LINGO2: variants seen among roughly 807,000 people sequenced by gnomAD.
The protein encoded by LINGO2 is leucine rich repeat and Ig domain containing 2.
A neutral mutation model predicts 30.6 loss-of-function variants in LINGO2; 14 were observed. That is an observed-to-expected ratio of 0.46 (90% CI 0.30 to 0.72). The LOEUF is 0.72. Among genes scored for constraint, LINGO2 ranks in the 30% least tolerant of loss-of-function variants. LINGO2 has a pLI of 0.07. For synonymous variants in LINGO2, 317 were observed against 288.5 expected, an observed-to-expected ratio of 1.10 and a Z score of -1.00; for missense variants, 729 against 751.7, an observed-to-expected ratio of 0.97 and a Z score of 0.35.
intron 5 of LINGO2, among the ~76,000 whole-genome samples, chr9:27,993,883 A>C (rs10968260): frequency 0.23 from 35,606 of 151,878 alleles, 4,695 homozygotes; most frequent in African/African-American, 0.37. Flanking sequence ...AACATTTTGC[A>C]ATATAGACCA....
the LINGO2 span, among the ~76,000 whole-genome samples, chr9:29,116,465 A>G: frequency 7.3e-3 from 1,111 of 152,214 alleles, 10 homozygotes; most frequent in Non-Finnish European, 0.01. Context: ...TGTTTTTAAA[A>G]AATGGAATGT....
At chr9:28,388,240 T>C (rs1486126577) in intron 2 of LINGO2, among the ~76,000 whole-genome samples, 4 of 152,226 alleles carry the variant, frequency 2.6e-5, no homozygotes, top group Non-Finnish European at 5.9e-5. Context: ...ATGCATCTGT[T>C]GTTTGTTAAT....
chr9:28,871,575 AT>A, the LINGO2 span, among the ~76,000 whole-genome samples: 1 of 151,968 alleles, frequency 6.6e-6, no homozygotes, highest in Non-Finnish European at 1.5e-5. Flanking sequence ...ATATATAAAA[AT>A]ATTAAGCTTA....
chr9:27,951,619 G>T (rs1819316829), intron 5 of LINGO2, among the ~76,000 whole-genome samples: 1 of 152,138 alleles, frequency 6.6e-6, no homozygotes, highest in Admixed American at 6.5e-5. Flanking sequence ...TGTTTTAAAT[G>T]TGGATAGTTT....
intron 3 of LINGO2, among the ~76,000 whole-genome samples, chr9:28,360,540 A>G (rs1464540183): frequency 6.6e-6 from 1 of 152,134 alleles, no homozygotes; most frequent in Non-Finnish European, 1.5e-5. Flanking sequence ...TTTCTGCATG[A>G]TCTTAAAAGC....
the LINGO2 span, among the ~76,000 whole-genome samples, chr9:29,134,837 T>C: frequency 2.6e-5 from 4 of 152,056 alleles, no homozygotes; most frequent in Non-Finnish European, 5.9e-5. Context: ...GAACTTACAA[T>C]GTAAAGGTAT....
chr9:28,808,315 T>C, the LINGO2 span, among the ~76,000 whole-genome samples: 1 of 152,226 alleles, frequency 6.6e-6, no homozygotes, highest in Non-Finnish European at 1.5e-5. Context: ...AAAGAAATCT[T>C]AAACTGATTT....
the LINGO2 span, among the ~76,000 whole-genome samples, chr9:28,834,105 G>C: frequency 6.6e-6 from 1 of 151,428 alleles, no homozygotes; most frequent in Non-Finnish European, 1.5e-5. Flanking sequence ...TAATTGATTA[G>C]GTAGATTTAG....
At chr9:28,987,546 G>A in the LINGO2 span, among the ~76,000 whole-genome samples, 1 of 151,638 alleles carries the variant, frequency 6.6e-6, no homozygotes, top group Non-Finnish European at 1.5e-5. Flanking sequence ...ATTTATTTCT[G>A]CCTTCTTCTT....
At chr9:28,987,745 T>C in the LINGO2 span, among the ~76,000 whole-genome samples, 1 of 152,292 alleles carries the variant, frequency 6.6e-6, no homozygotes, top group Non-Finnish European at 1.5e-5. Context: ...TATTTTCATT[T>C]CCATTCATCT....
chr9:28,258,832 C>A (rs1822468054), intron 4 of LINGO2, among the ~76,000 whole-genome samples: 1 of 151,338 alleles, frequency 6.6e-6, no homozygotes, highest in Non-Finnish European at 1.5e-5. Context: ...AAGTCATATC[C>A]AAGAGGAATT....
chr9:28,226,560 A>C (rs192521021), intron 4 of LINGO2, among the ~76,000 whole-genome samples: 1 of 151,404 alleles, frequency 6.6e-6, no homozygotes, highest in Non-Finnish European at 1.5e-5. Flanking sequence ...ATCATTGAGG[A>C]AGGGTCGGAA....
intron 3 of LINGO2, among the ~76,000 whole-genome samples, chr9:28,372,197 C>T (rs945741116): frequency 1.3e-5 from 2 of 152,120 alleles, no homozygotes; most frequent in African/African-American, 4.8e-5. Context: ...TATTTAATTG[C>T]TATATTGAAT....
intron 4 of LINGO2, among the ~76,000 whole-genome samples, chr9:28,168,342 T>C (rs1012842220): frequency 3.9e-5 from 6 of 152,228 alleles, no homozygotes; most frequent in African/African-American, 1.4e-4. Flanking sequence ...ATGCCTACCG[T>C]AGGGCTCTGC....
At chr9:28,584,205 T>C (rs955135162) in intron 1 of LINGO2, among the ~76,000 whole-genome samples, 7 of 152,096 alleles carry the variant, frequency 4.6e-5, no homozygotes, top group Non-Finnish European at 8.8e-5. Context: ...GATAAACTTT[T>C]TTCTTACTTT....
rs1375732285 is a variant in LINGO2 at position 28,633,049 on chromosome 9, C to A, written c.-365+37151G>T. ...GAATGTGGAGTCCAGTGTTCAAGGG[C>A]AGGAAGCATCCAGCATAGGAGAAAG... On this transcript the variant is annotated intron_variant, in intron 1 of 5. Coordinates refer to ENST00000379992, the Ensembl canonical transcript of LINGO2. 1.5e-4 allele frequency among the ~76,000 whole-genome samples: 22 copies of A among 151,434 alleles called. No homozygotes were observed. In the Admixed American group the frequency reaches 1.5e-3, roughly 10 times the overall value.
intron 1 of LINGO2, among the ~76,000 whole-genome samples, chr9:28,587,465 G>T (rs1824611791): frequency 6.6e-6 from 1 of 151,968 alleles, no homozygotes. Flanking sequence ...CCTTCCCTCT[G>T]TCTCTCAGCT....
At chr9:28,261,626 T>C (rs557562475) in intron 4 of LINGO2, among the ~76,000 whole-genome samples, 8 of 152,018 alleles carry the variant, frequency 5.3e-5, no homozygotes, top group Middle Eastern at 3.4e-3. Context: ...CCTTGCTAAG[T>C]GACAAATACC....
the LINGO2 span, among the ~76,000 whole-genome samples, chr9:28,990,580 T>A: frequency 3.3e-5 from 5 of 152,138 alleles, no homozygotes; most frequent in African/African-American, 9.7e-5. Flanking sequence ...CCCTGACCCC[T>A]GAGCAGCCTA....
Sources: gnomAD v4.1 joint callset for allele counts (sites outside exome capture counted in the v4.1 genomes callset) on GRCh38, gnomAD v4.1.1 for gene constraint, MANE v1.5 for transcripts, NCBI Gene and HGNC (gene_info 2026-07-23, HGNC 2026-07-21) for gene names.